The following ST18 variants were observed in gnomAD, a reference collection of about 807,000 sequenced individuals.
The protein encoded by ST18 is ST18 C2H2C-type zinc finger transcription factor.
ST18 carries 50 observed loss-of-function variants against 110.0 expected under a neutral mutation model. That is an observed-to-expected ratio of 0.45 (90% confidence interval 0.36 to 0.58). The LOEUF (loss-of-function observed/expected upper bound fraction) is 0.58, where lower values mean the gene tolerates loss of function less well. ST18 is among the 20% of genes least tolerant of loss of function. The probability of loss-of-function intolerance (pLI) is 0.00; values close to 1 mark genes in which losing one functional copy is unlikely to be tolerated. For synonymous variants in ST18, 461 were observed against 452.4 expected (o/e 1.02, Z -0.24); for missense variants, 1,306 against 1,280.1 (o/e 1.02, Z -0.31).
At chr8:52,136,563 C>T in intron 19 of ST18, 27 bp downstream of exon 19, 2 of 1,597,490 alleles carry the variant, frequency 1.3e-6, no homozygotes, top group Non-Finnish European at 1.7e-6. Flanking sequence ...GGATGAAGGG[C>T]AAGCCGGCCA....
chr8:52,403,990 GTGGCTACCA>G (rs1843632235), intron 2 of ST18: 1 of 152,150 alleles, frequency 6.6e-6, no homozygotes, highest in South Asian at 2.1e-4. Flanking sequence ...AAATCTTCTA[GTGGCTACCA>G]TTATATCTAA....
intron 2 of ST18, among the ~76,000 whole-genome samples, chr8:52,343,323 C>A (rs905978350): frequency 6.6e-6 from 1 of 152,126 alleles, no homozygotes; most frequent in African/African-American, 2.4e-5. Context: ...TGAACTGCTC[C>A]CAGATGCGCA....
At chr8:52,294,651 C>A (rs1339462857) in intron 2 of ST18, 1 of 152,254 alleles carries the variant, frequency 6.6e-6, no homozygotes, top group African/African-American at 2.4e-5. Context: ...CTTGCTCATA[C>A]AAAAGCCAAT....
At chr8:52,260,690 C>T (rs1421395447) in intron 2 of ST18, among the ~76,000 whole-genome samples, 3 of 152,200 alleles carry the variant, frequency 2.0e-5, no homozygotes, top group East Asian at 1.9e-4. Context: ...TTTCTATGCA[C>T]ACTTCCTTCT....
intron 2 of ST18, among the ~76,000 whole-genome samples, chr8:52,345,990 T>A (rs895372807): frequency 4.6e-5 from 7 of 151,572 alleles, no homozygotes; most frequent in Admixed American, 2.6e-4. Context: ...GAAAAAATAA[T>A]CTCTAGAAAG....
At chr8:52,205,709 A>T (rs1482066800) in intron 8 of ST18, among the ~76,000 whole-genome samples, 2 of 152,144 alleles carry the variant, frequency 1.3e-5, no homozygotes, top group Non-Finnish European at 2.9e-5. Flanking sequence ...ATGGGATTAC[A>T]GGTGCGTGCC....
chr8:52,196,633 A>G (rs1403242067), intron 8 of ST18, among the ~76,000 whole-genome samples: 3 of 152,198 alleles, frequency 2.0e-5, no homozygotes, highest in Non-Finnish European at 4.4e-5. Context: ...GCGTATTTTT[A>G]TAACTGTTCT....
chr8:52,328,447 A>G (rs1447367576), intron 2 of ST18, among the ~76,000 whole-genome samples: 1 of 152,204 alleles, frequency 6.6e-6, no homozygotes, highest in African/African-American at 2.4e-5. Flanking sequence ...AATAATAATA[A>G]CTAGCATTTA....
intron 8 of ST18, among the ~76,000 whole-genome samples, chr8:52,185,352 T>A (rs1031280868): frequency 1.3e-5 from 2 of 152,164 alleles, no homozygotes; most frequent in African/African-American, 4.8e-5. Flanking sequence ...CTCCCCTTCT[T>A]TATCTATTAG....
Position 52,392,266 on chromosome 8 carries a change from C to A in ST18, c.-465+17062G>T, listed in dbSNP as rs117280463. 4.5e-3 allele frequency among the ~76,000 whole-genome samples: 688 copies of A among 151,602 alleles called. 3 individuals are homozygous for A. The highest frequency in any genetic ancestry group is 0.031 in the Middle Eastern group (9 of 290). On this transcript the variant is annotated intron_variant, in intron 2 of 25. Coordinates refer to ENST00000689386, the MANE Select transcript of ST18 (RefSeq NM_001352837.2). The stretch of plus-strand genomic sequence containing the variant: ...TTTGACAAATAGTTGTTGATGCTGG[C>A]GATAAGCATGGTGATGGTGACGGTG...
At chr8:52,137,740 T>C (rs2053079266) in intron 17 of ST18, 1 of 412,478 alleles carries the variant, frequency 2.4e-6, no homozygotes, top group East Asian at 4.1e-5. Context: ...TTTGATTCCA[T>C]TGATGTGGGA....
At chr8:52,291,011 C>A (rs1275926860) in intron 2 of ST18, among the ~76,000 whole-genome samples, 1 of 152,236 alleles carries the variant, frequency 6.6e-6, no homozygotes, top group Non-Finnish European at 1.5e-5. Flanking sequence ...TAGTTCAGAA[C>A]ATCACCCCGC....
intron 2 of ST18, among the ~76,000 whole-genome samples, chr8:52,339,664 C>T (rs1401394159): frequency 6.6e-6 from 1 of 152,244 alleles, no homozygotes; most frequent in Non-Finnish European, 1.5e-5. Context: ...GAGCTCACTC[C>T]TTCCGCACCA....
intron 2 of ST18, among the ~76,000 whole-genome samples, chr8:52,231,802 G>T (rs1026836603): frequency 6.6e-6 from 1 of 152,128 alleles, no homozygotes; most frequent in African/African-American, 2.4e-5. Flanking sequence ...GCACATTCTG[G>T]TGCCAAAACT....
chr8:52,409,817 G>C (rs889014032), upstream of ST18: 2 of 152,260 alleles, frequency 1.3e-5, no homozygotes, highest in East Asian at 1.9e-4. Flanking sequence ...ACCGCACAAA[G>C]AAAATGCTGT....
chr8:52,120,655 T>C (rs2044357265), intron 23 of ST18, among the ~76,000 whole-genome samples: 1 of 152,108 alleles, frequency 6.6e-6, no homozygotes, highest in African/African-American at 2.4e-5. Context: ...CCTGGGAGCT[T>C]AGGTTTATTC....
At chr8:52,126,290 T>C in intron 22 of ST18, 150 bp from the exon 23 acceptor site, 1 of 722,950 alleles carries the variant, frequency 1.4e-6, no homozygotes, top group Non-Finnish European at 2.2e-6. Context: ...AATGAATACA[T>C]ACCCATTAAA....
chr8:52,142,987 G>A lies in ST18; in HGVS notation c.2111C>T (p.Ser704Phe), dbSNP rs111567186. 12 of 1,614,004 alleles carry A rather than the reference G, an allele frequency of 7.4e-6. No homozygotes were observed. The highest frequency in any genetic ancestry group is 1.3e-5 in the African/African-American group (1 of 74,894). ...AAGCTTGGGTTTAGGGCTTGGTATA[G>A]AGGCCTCTCCAGGAAACTTTTTTTC... ...LEEKKFPGEA[S>F]IPSPKPKLHA... Residue 704 changes from serine to phenylalanine, a missense_variant, in exon 17 of 26, where the codon TCT (serine) becomes TTT (phenylalanine). Physicochemically the swap from Ser to Phe is radical, Grantham distance 155. Coordinates refer to ENST00000689386, the MANE Select transcript of ST18 (RefSeq NM_001352837.2).
At chr8:52,220,615 A>G (rs528309652) in intron 5 of ST18, 126 bp downstream of exon 5, 4 of 152,304 alleles carry the variant, frequency 2.6e-5, no homozygotes, top group African/African-American at 7.2e-5. Flanking sequence ...AACACTAACA[A>G]TAAATTTGTA....
Sources: allele counts gnomAD v4.1 joint callset (sites outside exome capture counted in the v4.1 genomes callset), GRCh38; gene constraint gnomAD v4.1.1; transcripts MANE v1.5; gene names NCBI Gene and HGNC (gene_info 2026-07-23, HGNC 2026-07-21).